Variants in IQCH observed in about 807,000 individuals in gnomAD.
The protein encoded by IQCH is IQ domain-containing protein H.
IQCH carries 98 observed loss-of-function variants against 117.0 expected under a neutral mutation model. The observed-to-expected ratio is 0.84, with a 90% CI of 0.71 to 0.99. The LOEUF is 0.99. Among genes scored for constraint, IQCH ranks in the 50% least tolerant of loss-of-function variants. The pLI is 0.00. For missense variants in IQCH, 1,102 were observed against 1,243.8 expected (o/e 0.89, Z 1.72); for synonymous variants, 412 against 448.2 (o/e 0.92, Z 1.02).
At chr15:67,337,708 G>A (rs536691785) in intron 5 of IQCH, among the ~76,000 whole-genome samples, 1 of 152,304 alleles carries the variant, frequency 6.6e-6, no homozygotes, top group Admixed American at 6.5e-5. Context: ...TGTCCTAAGT[G>A]TAACCATCTC....
chr15:67,344,641 A>G (rs942467261), intron 6 of IQCH, among the ~76,000 whole-genome samples: 3 of 152,224 alleles, frequency 2.0e-5, no homozygotes, highest in African/African-American at 7.2e-5. Context: ...TTATGTAGTG[A>G]TTTGTGGAAT....
intron 18 of IQCH, among the ~76,000 whole-genome samples, chr15:67,488,385 A>C (rs2083552357): frequency 6.6e-6 from 1 of 152,254 alleles, no homozygotes. Flanking sequence ...AGAGAATCCC[A>C]AAACAGACAT....
chr15:67,372,770 T>C (rs1047743290), intron 9 of IQCH, 108 bp downstream of exon 9: 3 of 936,622 alleles, frequency 3.2e-6, no homozygotes, highest in Non-Finnish European at 4.9e-6. Flanking sequence ...CCAACTACTC[T>C]CCTTGCCTCA....
In IQCH at chr15:67,431,200, C is replaced by G. The variant is rs2082012178; in HGVS notation, c.2505+9623C>G. Reference sequence around the variant, plus strand: ...GTTGGATTCACCTCAAGTAAATATACATTTATATAGCAATTCTCCCATTCC... The same window carrying G: ...GTTGGATTCACCTCAAGTAAATATAGATTTATATAGCAATTCTCCCATTCC... On this transcript the variant is annotated intron_variant, in intron 16 of 20. Transcript: ENST00000335894. The surrounding 1 kb of genome is among the most constrained non-coding windows in gnomAD (Gnocchi z 4.8). 6.6e-6 allele frequency among the ~76,000 whole-genome samples: 1 copy of G among 152,240 alleles called. No individual in the cohort carries two copies. The highest frequency in any genetic ancestry group is 1.9e-4 in the East Asian group (1 of 5,186).
At position 67,500,446 on chromosome 15, in the gene IQCH, T is replaced by C. The variant is rs1416218288; in HGVS notation, c.2971-187T>C. ...AAATTCTAAAAAGTTTTCCAAATTC[T>C]TACTCTCAATTTTTTTACTCATTTC... On this transcript the variant is annotated intron_variant, in intron 20 of 20. Transcript: ENST00000335894. The surrounding 1 kb of genome is among the most constrained non-coding windows in gnomAD (Gnocchi z 4.4). 1.3e-5 allele frequency among the ~76,000 whole-genome samples: 2 copies of C among 152,196 alleles called. No homozygotes were observed. Among genetic ancestry groups the C allele is most frequent in the Non-Finnish European group, 2.9e-5 (2 of 68,026 alleles).
At chr15:67,442,710 C>G (rs1449818867) in intron 16 of IQCH, among the ~76,000 whole-genome samples, 1 of 151,994 alleles carries the variant, frequency 6.6e-6, no homozygotes, top group Non-Finnish European at 1.5e-5. Context: ...AGTCATTATT[C>G]AAAAGAGATA....
intron 4 of IQCH, among the ~76,000 whole-genome samples, chr15:67,280,473 G>C (rs1158183131): frequency 6.6e-6 from 1 of 152,230 alleles, no homozygotes; most frequent in Non-Finnish European, 1.5e-5. Context: ...GTCTGGTGAG[G>C]TCTTTCTTCC....
Position 67,388,930 on chromosome 15 carries a change from C to T in IQCH, c.1556C>T (p.Ser519Phe), listed in dbSNP as rs1258910059. 1.9e-6 allele frequency: 3 copies of T among 1,613,850 alleles called. No individual in the cohort carries two copies. The highest frequency in any genetic ancestry group is 2.2e-5 in the East Asian group (1 of 44,872). ...KILSLHAAVK[S>F]GNLEDRSDLQ... is the part of the protein sequence containing the mutation. The stretch of plus-strand genomic sequence containing the variant: ...CTAAGTCTACATGCAGCCGTCAAAT[C>T]TGGGAACCTTGAGGACAGAAGTGAC... Residue 519 changes from serine (S) to phenylalanine (F), a missense_variant, in exon 12 of 21, where the codon TCT becomes TTT. Physicochemically the swap from Ser to Phe is radical, Grantham distance 155 (BLOSUM62 -2). Around this residue, in one of 2 missense-constraint regions of IQCH, gnomAD observed 650 missense variants for 794.3 expected, o/e 0.82. Coordinates refer to ENST00000335894, the MANE Select transcript of IQCH (RefSeq NM_001031715.3). The surrounding 1 kb of genome is among the most constrained non-coding windows in gnomAD (Gnocchi z 5.5).
chr15:67,265,795 A>G (rs1965646018), intron 3 of IQCH, among the ~76,000 whole-genome samples: 1 of 152,208 alleles, frequency 6.6e-6, no homozygotes. Context: ...AGAGTCTGGC[A>G]TGGACTGCTA....
At chr15:67,497,712 G>A (rs1052508165) in intron 20 of IQCH, among the ~76,000 whole-genome samples, 1 of 152,032 alleles carries the variant, frequency 6.6e-6, no homozygotes, top group Non-Finnish European at 1.5e-5. Flanking sequence ...GGCTGACCTC[G>A]AACTCCTGAC....
intron 4 of IQCH, chr15:67,281,896 T>G (rs1966375525): frequency 2.6e-6 from 1 of 389,634 alleles, no homozygotes; most frequent in African/African-American, 2.1e-5. Context: ...AAATATCAGT[T>G]CAGGCTCCTG....
intron 4 of IQCH, among the ~76,000 whole-genome samples, chr15:67,298,075 G>A (rs112227475): frequency 2.0e-5 from 3 of 152,232 alleles, no homozygotes; most frequent in African/African-American, 4.8e-5. Flanking sequence ...TTGGGAGGCC[G>A]AGGCGGGTGG....
In IQCH at chr15:67,483,492, G is replaced by A. The variant is rs540614038; in HGVS notation, c.2800-6511G>A. 1.2e-4 allele frequency among the ~76,000 whole-genome samples: 19 copies of A among 152,348 alleles called. No individual in the cohort carries two copies. The South Asian group carries it at 3.7e-3, about 30-fold the overall frequency. ...AGATCGCGCTACTGCGCTCCAGCCTGGGTGAGAAAGCAAGACTCCATCTCT... is the reference window on the plus strand; with the variant it reads ...AGATCGCGCTACTGCGCTCCAGCCTAGGTGAGAAAGCAAGACTCCATCTCT... On this transcript the variant is annotated intron_variant, in intron 18 of 20. Transcript: ENST00000335894.
chr15:67,258,000 C>T (rs902214799), intron 1 of IQCH, among the ~76,000 whole-genome samples: 3 of 151,962 alleles, frequency 2.0e-5, no homozygotes, highest in African/African-American at 7.3e-5. Flanking sequence ...GAGGCTGAGG[C>T]GGATGAATCA....
intron 14 of IQCH, among the ~76,000 whole-genome samples, chr15:67,402,189 A>G (rs1011869392): frequency 1.3e-5 from 2 of 152,242 alleles, no homozygotes; most frequent in African/African-American, 4.8e-5. Context: ...TAATGTTATT[A>G]AATGCAAAGC....
rs2083941193 is a variant in IQCH at position 67,500,196 on chromosome 15, C to A, written c.2971-437C>A. Among the ~76,000 whole-genome samples the A allele has an allele frequency of 6.6e-6, 1 of 152,082 alleles. No individual in the cohort carries two copies. On this transcript the variant is annotated intron_variant, in intron 20 of 20. Coordinates refer to ENST00000335894, the MANE Select transcript of IQCH (RefSeq NM_001031715.3). The surrounding 1 kb of genome is among the most constrained non-coding windows in gnomAD (Gnocchi z 4.4). ...TTCCCAGCAACCAATGGAAAGAAAC[C>A]TTCCCATCAGCCTATTAGCCCTCAT...
intron 16 of IQCH, among the ~76,000 whole-genome samples, chr15:67,444,328 A>C (rs1036496985): frequency 2.0e-5 from 3 of 152,246 alleles, no homozygotes; most frequent in African/African-American, 7.2e-5. Context: ...GCCCATAGAC[A>C]GCACCACAGC....
At chr15:67,482,969 G>C (rs1342437064) in intron 18 of IQCH, among the ~76,000 whole-genome samples, 1 of 152,058 alleles carries the variant, frequency 6.6e-6, no homozygotes, top group Non-Finnish European at 1.5e-5. Context: ...AATAAAATAC[G>C]GAATTGTTTT....
intron 4 of IQCH, among the ~76,000 whole-genome samples, chr15:67,301,177 A>C (rs1439552036): frequency 6.6e-6 from 1 of 152,142 alleles, no homozygotes; most frequent in Non-Finnish European, 1.5e-5. Flanking sequence ...GTTGGTAAAA[A>C]ATGATCATCT....
Sources: allele counts gnomAD v4.1 joint callset (sites outside exome capture counted in the v4.1 genomes callset), GRCh38; gene constraint gnomAD v4.1.1; regional missense constraint gnomAD v4.1.1; non-coding constraint Gnocchi (gnomAD v3.1); transcripts MANE v1.5; gene names NCBI Gene and HGNC (gene_info 2026-07-23, HGNC 2026-07-21).